WDSUB1: variants seen among roughly 807,000 people sequenced by gnomAD.
WDSUB1 encodes WD repeat, sterile alpha motif and U-box domain containing 1.
Under a neutral mutation model 53.9 loss-of-function variants are expected in WDSUB1, and 49 were observed. That is an observed-to-expected ratio of 0.91 (90% CI 0.72 to 1.15). WDSUB1 has a LOEUF of 1.15. WDSUB1 is among the 50% of genes most tolerant of loss of function. The probability of loss-of-function intolerance (pLI) is 0.00; values close to 1 mark genes in which losing one functional copy is unlikely to be tolerated. For missense variants in WDSUB1, 514 were observed against 562.0 expected, an observed-to-expected ratio of 0.91 and a Z score of 0.86; for synonymous variants, 194 against 200.6, an observed-to-expected ratio of 0.97 and a Z score of 0.28.
chr2:159,253,533 A>G (rs1404307395), intron 9 of WDSUB1, among the ~76,000 whole-genome samples: 2 of 151,848 alleles, frequency 1.3e-5, no homozygotes, highest in African/African-American at 4.8e-5. Context: ...AATGTCAAAC[A>G]TAATAGATAT....
rs1399379950 is a variant in WDSUB1, at chr2:159,236,337, A to C, written c.1274-147T>G. ...CTTGCTTGTACCAGCACCCCCAAAA[A>C]TCTCTCTGCCACAACACCTGAAATG... On this transcript the variant is annotated intron_variant, in intron 10 of 10. Transcript: ENST00000359774. 6 of 795,198 alleles carry C rather than the reference A, an allele frequency of 7.5e-6. No individual in the cohort carries two copies. In the African/African-American group the frequency reaches 8.7e-5, roughly 12 times the overall value. The allele number at this position is 795,198 out of a possible 1,614,324, so 49.3% of individuals were successfully genotyped here.
intron 3 of WDSUB1, among the ~76,000 whole-genome samples, chr2:159,279,024 C>G (rs1404723419): frequency 2.0e-5 from 3 of 152,064 alleles, no homozygotes; most frequent in Admixed American, 2.0e-4. Flanking sequence ...TTTTTATTAT[C>G]AATTATTGAA....
intron 5 of WDSUB1, among the ~76,000 whole-genome samples, chr2:159,266,213 G>C (rs969984785): frequency 4.0e-5 from 6 of 151,820 alleles, no homozygotes; most frequent in East Asian, 1.9e-4. Context: ...TTTTGAGACA[G>C]AGTCTTGCTC....
chr2:159,285,905 G>C (rs1160430914), intron 1 of WDSUB1, among the ~76,000 whole-genome samples: 1 of 152,120 alleles, frequency 6.6e-6, no homozygotes, highest in African/African-American at 2.4e-5. Context: ...TGGAGAGCTC[G>C]CAAATCCCAG....
At chr2:159,271,830 G>A in intron 4 of WDSUB1, 35 bp from the exon 5 acceptor site, 1 of 1,542,492 alleles carries the variant, frequency 6.5e-7, no homozygotes, top group Non-Finnish European at 8.9e-7. Context: ...TTAGAAAGCT[G>A]ACCATGCTTA....
chr2:159,261,873 TATATATATATATATATATATATA>T (rs1279492729), intron 5 of WDSUB1, among the ~76,000 whole-genome samples: 476 of 15,362 alleles, frequency 0.031, 6 homozygotes, highest in East Asian at 0.048. Context: ...TATATATATA[TATATATATATATATATATATATA>T]TTTTTTTTTT....
chr2:159,261,624 A>G (rs2061189999), intron 5 of WDSUB1, among the ~76,000 whole-genome samples: 1 of 151,750 alleles, frequency 6.6e-6, no homozygotes, highest in South Asian at 2.1e-4. Context: ...ACACACAACT[A>G]AAGAGTGATG....
chr2:159,256,973 G>C (rs1575456192), intron 8 of WDSUB1, among the ~76,000 whole-genome samples: 1 of 152,226 alleles, frequency 6.6e-6, no homozygotes, highest in African/African-American at 2.4e-5. Context: ...ACACAGCCCA[G>C]CCACTTCAAC....
intron 2 of WDSUB1, among the ~76,000 whole-genome samples, chr2:159,280,670 G>A (rs933165769): frequency 1.0e-5 from 1 of 97,202 alleles, no homozygotes; most frequent in South Asian, 3.5e-4. Flanking sequence ...CAGCCTGGGC[G>A]ACAGAGCGAG....
At chr2:159,248,869 G>GT (rs2060882350) in intron 9 of WDSUB1, among the ~76,000 whole-genome samples, 1 of 152,200 alleles carries the variant, frequency 6.6e-6, no homozygotes, top group Non-Finnish European at 1.5e-5. Context: ...TCCTCTCAAA[G>GT]TGCTGGGATT....
At chr2:159,285,952 T>C (rs1166745517) in intron 1 of WDSUB1, among the ~76,000 whole-genome samples, 1 of 151,996 alleles carries the variant, frequency 6.6e-6, no homozygotes, top group Non-Finnish European at 1.5e-5. Context: ...CCAAACAAAC[T>C]CCGGCTCCCA....
intron 3 of WDSUB1, among the ~76,000 whole-genome samples, chr2:159,277,175 C>T (rs528996342): frequency 6.6e-6 from 1 of 152,168 alleles, no homozygotes; most frequent in African/African-American, 2.4e-5. Context: ...TTCCATTTCA[C>T]TGAAAGCTTT....
intron 9 of WDSUB1, 147 bp from the exon 10 acceptor site, chr2:159,248,659 G>C: frequency 1.1e-6 from 1 of 908,138 alleles, no homozygotes; most frequent in Non-Finnish European, 1.5e-6. Flanking sequence ...CTGGAGTGCA[G>C]TGGCAAAACG....
chr2:159,250,091 A>AC (rs1298252161), intron 9 of WDSUB1, among the ~76,000 whole-genome samples: 30 of 119,694 alleles, frequency 2.5e-4, no homozygotes, highest in Middle Eastern at 3.5e-3. Flanking sequence ...TCTGCCTCAA[A>AC]AAAAAAAAAA....
chr2:159,236,499 A>G (rs1037903373), intron 10 of WDSUB1, among the ~76,000 whole-genome samples: 1 of 152,198 alleles, frequency 6.6e-6, no homozygotes, highest in African/African-American at 2.4e-5. Flanking sequence ...AGAGCTGGGT[A>G]GAGTGGGAGT....
chr2:159,268,084 G>A (rs373987514), intron 5 of WDSUB1, among the ~76,000 whole-genome samples: 8 of 152,200 alleles, frequency 5.3e-5, no homozygotes, highest in South Asian at 2.1e-4. Flanking sequence ...GAATTATACC[G>A]CTATAAAATG....
intron 10 of WDSUB1, among the ~76,000 whole-genome samples, chr2:159,240,569 T>C (rs2060617532): frequency 6.6e-6 from 1 of 152,232 alleles, no homozygotes; most frequent in East Asian, 1.9e-4. Context: ...TCTTTTGAAG[T>C]GCTTATTGCC....
chr2:159,283,874 G>A (rs1156978814), intron 1 of WDSUB1, among the ~76,000 whole-genome samples: 1 of 152,168 alleles, frequency 6.6e-6, no homozygotes, highest in African/African-American at 2.4e-5. Context: ...GAGTGCAGTG[G>A]CATGTTCTCA....
rs746089881 is a variant in WDSUB1 at position 159,282,902 on chromosome 2, A to G, written c.168T>C (p.Ala56=). The change falls in exon 2 of 11, where the codon GCT becomes GCC. Residue 56 remains alanine (A), a synonymous_variant. Coordinates refer to ENST00000359774, the MANE Select transcript of WDSUB1 (RefSeq NM_001128212.3). The part of the protein sequence containing the change: ...PHSPLKFHTY[A]VHCCCFSPSG... Reference sequence around the variant, plus strand: ...AAGGGGAGAAACAGCAGCAGTGGACAGCATAGGTATGAAACTTCAATGGAG... The same window carrying G: ...AAGGGGAGAAACAGCAGCAGTGGACGGCATAGGTATGAAACTTCAATGGAG... The G allele has an allele frequency of 1.9e-6, 3 of 1,614,232 alleles. No homozygotes were observed. Among genetic ancestry groups the G allele is most frequent in the Non-Finnish European group, 2.5e-6 (3 of 1,180,054 alleles).
Sources: gnomAD v4.1 joint callset for allele counts (sites outside exome capture counted in the v4.1 genomes callset) on GRCh38, gnomAD v4.1.1 for gene constraint, MANE v1.5 for transcripts, NCBI Gene and HGNC (gene_info 2026-07-23, HGNC 2026-07-21) for gene names.